SH3RF3: variants seen among roughly 807,000 people sequenced by gnomAD.
The protein encoded by SH3RF3 is SH3 domain containing ring finger 3.
Under a neutral mutation model 66.3 loss-of-function variants are expected in SH3RF3, and 29 were observed. The observed-to-expected ratio is 0.44, with a 90% CI of 0.33 to 0.60. The LOEUF (loss-of-function observed/expected upper bound fraction) is 0.60, where lower values mean the gene tolerates loss of function less well. Among genes scored for constraint, SH3RF3 ranks in the 20% least tolerant of loss-of-function variants. SH3RF3 has a pLI of 0.04. For synonymous variants in SH3RF3, 583 were observed against 532.0 expected, an observed-to-expected ratio of 1.10 and a Z score of -1.32; for missense variants, 1,194 against 1,190.9, an observed-to-expected ratio of 1.00 and a Z score of -0.04.
At chr2:109,422,807 A>G (rs1170210440) in intron 5 of SH3RF3, among the ~76,000 whole-genome samples, 1 of 152,178 alleles carries the variant, frequency 6.6e-6, no homozygotes, top group Non-Finnish European at 1.5e-5. Context: ...CTTCGTGGGC[A>G]TCTTAGAGCC....
At chr2:109,161,228 A>G (rs1164187119) in intron 1 of SH3RF3, among the ~76,000 whole-genome samples, 1 of 152,136 alleles carries the variant, frequency 6.6e-6, no homozygotes, top group Non-Finnish European at 1.5e-5. Flanking sequence ...GGGAATCCCC[A>G]CCTTATAAGT....
At chr2:109,334,000 G>A (rs535238081) in intron 1 of SH3RF3, among the ~76,000 whole-genome samples, 1 of 152,242 alleles carries the variant, frequency 6.6e-6, no homozygotes, top group African/African-American at 2.4e-5. Context: ...AAGGAAGTGG[G>A]CAGGTTTCTA....
Position 109,281,355 on chromosome 2 carries a change from T to C in SH3RF3, c.574-66319T>C, listed in dbSNP as rs537964982. Among the ~76,000 whole-genome samples, 6 of 152,302 alleles carry C rather than the reference T, an allele frequency of 3.9e-5. No individual in the cohort carries two copies. In the East Asian group the frequency reaches 1.2e-3, roughly 30 times the overall value. ...CTCCGTTATCCATCAGGAATTCTAC[T>C]CTTGGGACTTGGAAAGTGAGGAGAG... On this transcript the variant is annotated intron_variant, in intron 1 of 9. Coordinates refer to ENST00000309415, the MANE Select transcript of SH3RF3 (RefSeq NM_001099289.3).
intron 1 of SH3RF3, among the ~76,000 whole-genome samples, chr2:109,157,362 T>C (rs1322715610): frequency 1.3e-5 from 2 of 152,220 alleles, no homozygotes; most frequent in Non-Finnish European, 2.9e-5. Flanking sequence ...TTGCATTCGC[T>C]TTATAGACTC....
intron 7 of SH3RF3, among the ~76,000 whole-genome samples, chr2:109,442,087 G>T (rs1290098867): frequency 6.6e-6 from 1 of 152,120 alleles, no homozygotes; most frequent in Non-Finnish European, 1.5e-5. Context: ...TGAGACGGGT[G>T]GATCACGAGG....
At chr2:109,156,156 A>G (rs1411865422) in intron 1 of SH3RF3, among the ~76,000 whole-genome samples, 1 of 152,216 alleles carries the variant, frequency 6.6e-6, no homozygotes, top group African/African-American at 2.4e-5. Flanking sequence ...TTTGCAGTCC[A>G]TCTCAGCAGT....
At chr2:109,426,971 T>C (rs532935114) in intron 5 of SH3RF3, among the ~76,000 whole-genome samples, 2 of 107,852 alleles carry the variant, frequency 1.9e-5, no homozygotes, top group East Asian at 2.4e-4. Context: ...AAAATATATA[T>C]ATATATATTT....
At chr2:109,165,333 A>C (rs7570494) in intron 1 of SH3RF3, among the ~76,000 whole-genome samples, 125,073 of 152,192 alleles carry the variant, frequency 0.82, 51,532 homozygotes, top group East Asian at 0.89. Flanking sequence ...TCCCTCCCTC[A>C]TCCTTCCTGC....
chr2:109,353,121 C>T (rs796300026), intron 2 of SH3RF3, among the ~76,000 whole-genome samples: 4 of 152,330 alleles, frequency 2.6e-5, no homozygotes, highest in East Asian at 1.9e-4. Context: ...CCACCTGTCC[C>T]GGAGTCATGG....
chr2:109,147,246 T>G (rs758832512), intron 1 of SH3RF3, among the ~76,000 whole-genome samples: 5 of 151,964 alleles, frequency 3.3e-5, no homozygotes, highest in Non-Finnish European at 5.9e-5. Flanking sequence ...TGCTGAGAGG[T>G]TTGCTCGAAA....
rs151075267 is a variant in SH3RF3 at position 109,474,549 on chromosome 2, C to T, written c.2149-16056C>T. Among the ~76,000 whole-genome samples the T allele has an allele frequency of 2.2e-3, 329 of 152,306 alleles. 1 individual carries two copies. Among genetic ancestry groups the T allele is most frequent in the African/African-American group, 7.4e-3 (307 of 41,566 alleles). ...CCTGAGGCTGGGATTACAGTCCGAA[C>T]CGCACGGGGCTTATAGCCATGGGCA... On this transcript the variant is annotated intron_variant, in intron 8 of 9. Transcript: ENST00000309415.
At chr2:109,147,674 C>G (rs1395488431) in intron 1 of SH3RF3, among the ~76,000 whole-genome samples, 1 of 152,268 alleles carries the variant, frequency 6.6e-6, no homozygotes, top group Admixed American at 6.5e-5. Flanking sequence ...CATGAAGTGA[C>G]CTTTCTTGTA....
chr2:109,196,787 C>T (rs181223863), intron 1 of SH3RF3, among the ~76,000 whole-genome samples: 206 of 152,296 alleles, frequency 1.4e-3, no homozygotes, highest in African/African-American at 4.7e-3. Flanking sequence ...TGAGATCAGG[C>T]GCCAATAGCA....
At chr2:109,302,717 A>G (rs1681500348) in intron 1 of SH3RF3, among the ~76,000 whole-genome samples, 1 of 151,688 alleles carries the variant, frequency 6.6e-6, no homozygotes, top group South Asian at 2.1e-4. Flanking sequence ...GAGACAAGGC[A>G]TCATGGTGCT....
At chr2:109,410,401 CCTCGGTGCGGAGGGCCCCTGCAGCT>C (rs1676557522) in intron 4 of SH3RF3, among the ~76,000 whole-genome samples, 1 of 152,220 alleles carries the variant, frequency 6.6e-6, no homozygotes, top group South Asian at 2.1e-4. Context: ...CCAGCCCTGA[CCTCGGTGCGGAGGGCCCCTGCAGCT>C]CCGTGCACCC....
At chr2:109,308,543 T>C (rs1451036092) in intron 1 of SH3RF3, among the ~76,000 whole-genome samples, 1 of 58,588 alleles carries the variant, frequency 1.7e-5, no homozygotes, top group Non-Finnish European at 2.8e-5. Context: ...CTTCTAGGGT[T>C]TTTATGGTTT....
chr2:109,285,717 T>G (rs1477691034), intron 1 of SH3RF3, among the ~76,000 whole-genome samples: 2 of 152,230 alleles, frequency 1.3e-5, no homozygotes, highest in Non-Finnish European at 1.5e-5. Context: ...CATCTGTCCC[T>G]GAGCCTGGTC....
chr2:109,465,849 C>A (rs1678327336), intron 8 of SH3RF3, among the ~76,000 whole-genome samples: 1 of 152,134 alleles, frequency 6.6e-6, no homozygotes, highest in African/African-American at 2.4e-5. Flanking sequence ...CTCACTGTCA[C>A]AGGGAGGGCA....
At chr2:109,426,658 A>G (rs1034393205) in intron 5 of SH3RF3, among the ~76,000 whole-genome samples, 11 of 152,204 alleles carry the variant, frequency 7.2e-5, no homozygotes, top group African/African-American at 2.7e-4. Flanking sequence ...AATAGCACAT[A>G]AACAGTTGAT....
Sources: gnomAD v4.1 joint callset for allele counts (sites outside exome capture counted in the v4.1 genomes callset) on GRCh38, gnomAD v4.1.1 for gene constraint, MANE v1.5 for transcripts, NCBI Gene and HGNC (gene_info 2026-07-23, HGNC 2026-07-21) for gene names.